The following TC2N variants were observed in gnomAD, a reference collection of about 807,000 sequenced individuals.
TC2N encodes the protein tandem C2 domains, nuclear, also known as tandem C2 domains nuclear protein.
TC2N carries 51 observed loss-of-function variants against 61.9 expected under a neutral mutation model. The observed-to-expected ratio is 0.82, with a 90% CI of 0.66 to 1.04. The LOEUF (loss-of-function observed/expected upper bound fraction) is 1.04, where lower values mean the gene tolerates loss of function less well. TC2N is among the 50% of genes least tolerant of loss of function. The pLI is 0.00. For synonymous variants in TC2N, 204 were observed against 192.6 expected, an observed-to-expected ratio of 1.06 and a Z score of -0.49; for missense variants, 556 against 566.7, an observed-to-expected ratio of 0.98 and a Z score of 0.19.
intron 3 of TC2N, among the ~76,000 whole-genome samples, chr14:91,810,853 G>GA (rs1490674956): frequency 6.7e-6 from 1 of 148,258 alleles, no homozygotes; most frequent in African/African-American, 2.5e-5. Flanking sequence ...AAAGAACAGA[G>GA]AAAAAAAGAT....
At chr14:91,836,826 G>A (rs1888045498) in intron 1 of TC2N, among the ~76,000 whole-genome samples, 1 of 152,162 alleles carries the variant, frequency 6.6e-6, no homozygotes, top group South Asian at 2.1e-4. Flanking sequence ...GGAGGGGGAA[G>A]AGAGGGGAAG....
intron 9 of TC2N, among the ~76,000 whole-genome samples, chr14:91,790,154 T>G (rs1885575859): frequency 6.6e-6 from 1 of 152,242 alleles, no homozygotes; most frequent in African/African-American, 2.4e-5. Context: ...AGCCGTAAGA[T>G]AAATCTCTGT....
At chr14:91,798,508 A>AT (rs2139840237) in intron 6 of TC2N, 109 bp from the exon 7 acceptor site, 1 of 665,988 alleles carries the variant, frequency 1.5e-6, no homozygotes, top group Non-Finnish European at 2.6e-6. Flanking sequence ...TGCTACAATT[A>AT]TTTTTTAAAG....
chr14:91,785,385 TATAAA>T (rs762448713), intron 10 of TC2N, 24 bp from the exon 11 acceptor site: 1 of 1,567,142 alleles, frequency 6.4e-7, no homozygotes, highest in African/African-American at 1.4e-5. Flanking sequence ...AATATTGGTT[TATAAA>T]ATGTTATTCA....
intron 2 of TC2N, 36 bp from the exon 3 acceptor site, chr14:91,812,581 A>C (rs780684182): frequency 2.8e-6 from 3 of 1,053,420 alleles, no homozygotes; most frequent in Non-Finnish European, 4.3e-6. Flanking sequence ...ACAAATATGA[A>C]TATAGGTTAC....
At chr14:91,813,994 T>C (rs986817028) in intron 1 of TC2N, among the ~76,000 whole-genome samples, 169 bp from the exon 2 acceptor site, 1 of 151,662 alleles carries the variant, frequency 6.6e-6, no homozygotes, top group Non-Finnish European at 1.5e-5. Context: ...TATAACTTAT[T>C]TGTAAGTTAT....
chr14:91,863,382 C>T (rs928151837), intron 1 of TC2N, among the ~76,000 whole-genome samples: 16 of 152,122 alleles, frequency 1.1e-4, no homozygotes, highest in African/African-American at 3.4e-4. Flanking sequence ...GGGCAGCTCA[C>T]GCCTAAGACC....
rs536539550 is a variant in TC2N, at chr14:91,780,877, C to A, written c.*2223G>T. 2 of 151,132 alleles carry A rather than the reference C, an allele frequency of 1.3e-5. No individual in the cohort carries two copies. Among genetic ancestry groups the A allele is most frequent in the East Asian group, 3.9e-4 (2 of 5,186 alleles). 9.4% of individuals were successfully genotyped at this position (151,132 alleles called of 1,614,324 possible). On this transcript the variant is annotated 3_prime_UTR_variant, in exon 12 of 12. Transcript: ENST00000435962. Reference sequence around the variant, plus strand: ...AATAACCAGCATTAGTACCTCCTCACCTGAAAAAGGCTTAAGTAAACACTA... The same window carrying A: ...AATAACCAGCATTAGTACCTCCTCAACTGAAAAAGGCTTAAGTAAACACTA...
At chr14:91,839,974 G>A (rs1046226087) in intron 1 of TC2N, among the ~76,000 whole-genome samples, 1 of 152,180 alleles carries the variant, frequency 6.6e-6, no homozygotes, top group Admixed American at 6.5e-5. Flanking sequence ...GGCCAGTTCT[G>A]ACCAATGGAA....
intron 11 of TC2N, 146 bp from the exon 12 acceptor site, chr14:91,783,356 A>T: frequency 1.8e-6 from 1 of 549,098 alleles, no homozygotes. Flanking sequence ...TCCAAAAGTC[A>T]GATTGATTTC....
At chr14:91,804,321 C>G (rs1886403192) in intron 3 of TC2N, among the ~76,000 whole-genome samples, 1 of 152,118 alleles carries the variant, frequency 6.6e-6, no homozygotes, top group African/African-American at 2.4e-5. Flanking sequence ...TTCTATGACC[C>G]AACAAGCCAT....
At chr14:91,783,549 C>G (rs1203208323) in intron 11 of TC2N, among the ~76,000 whole-genome samples, 2 of 151,914 alleles carry the variant, frequency 1.3e-5, no homozygotes, top group Non-Finnish European at 2.9e-5. Flanking sequence ...CCCAACCACT[C>G]AAAAATATTT....
At chr14:91,844,773 A>AC in intron 1 of TC2N, among the ~76,000 whole-genome samples, 1 of 147,658 alleles carries the variant, frequency 6.8e-6, no homozygotes, top group South Asian at 2.1e-4. Context: ...AAAAAAAAAA[A>AC]AAAAAAAAAA....
chr14:91,819,513 T>C (rs1000552683), intron 1 of TC2N, among the ~76,000 whole-genome samples: 2 of 152,162 alleles, frequency 1.3e-5, no homozygotes, highest in African/African-American at 4.8e-5. Context: ...ATACAAAAGT[T>C]GAAAGAACAT....
chr14:91,837,520 G>C lies in TC2N; in HGVS notation c.-56-23695C>G, dbSNP rs1288113220. On this transcript the variant is annotated intron_variant, in intron 1 of 11. Transcript: ENST00000435962. The surrounding 1 kb of genome is among the most constrained non-coding windows in gnomAD (Gnocchi z 4.2). ...CCAAAGTGCTGGGATTACAAGCATT[G>C]AGCCACGGTGCCAGCCTGGGTGGTG... is the stretch of plus-strand genomic sequence containing the variant. 7.9e-5 allele frequency among the ~76,000 whole-genome samples: 12 copies of C among 152,112 alleles called. No homozygotes were observed. Among genetic ancestry groups the C allele is most frequent in the Admixed American group, 5.9e-4 (9 of 15,274 alleles).
chr14:91,820,911 T>C (rs937744439), intron 1 of TC2N, among the ~76,000 whole-genome samples: 2 of 152,022 alleles, frequency 1.3e-5, no homozygotes, highest in Non-Finnish European at 2.9e-5. Flanking sequence ...ACAAGACTTA[T>C]ACACTGCAAA....
intron 10 of TC2N, among the ~76,000 whole-genome samples, chr14:91,786,350 G>C (rs945403381): frequency 5.9e-5 from 9 of 152,104 alleles, no homozygotes; most frequent in Non-Finnish European, 1.2e-4. Context: ...TTTTGTGTGT[G>C]CTATCCATTC....
intron 1 of TC2N, among the ~76,000 whole-genome samples, chr14:91,814,134 A>C (rs570517100): frequency 6.6e-6 from 1 of 151,428 alleles, no homozygotes; most frequent in African/African-American, 2.4e-5. Flanking sequence ...GATATAGAGT[A>C]ACAAGAGGGG....
In TC2N at chr14:91,798,983, C is replaced by G. The variant is rs769162770; in HGVS notation, c.637+6G>C. 4.4e-6 allele frequency: 7 copies of G among 1,582,440 alleles called. No homozygotes were observed. The highest frequency in any genetic ancestry group is 6.0e-6 in the Non-Finnish European group (7 of 1,157,206). The stretch of plus-strand genomic sequence containing the variant: ...GAGTATAAAAGTAGGATACTTTATT[C>G]CTTACCCAGGCTTCTGTTACTCCCC... On this transcript the variant is annotated splice_donor_region_variant and intron_variant, in intron 6 of 11. Coordinates refer to ENST00000435962, the MANE Select transcript of TC2N (RefSeq NM_001128596.3).
Sources: gnomAD v4.1 joint callset for allele counts (sites outside exome capture counted in the v4.1 genomes callset) on GRCh38, gnomAD v4.1.1 for gene constraint, Gnocchi (gnomAD v3.1) non-coding constraint, MANE v1.5 for transcripts, NCBI Gene and HGNC (gene_info 2026-07-23, HGNC 2026-07-21) for gene names.